Variants in DDX4 observed in about 807,000 individuals in gnomAD.
DDX4 encodes the protein DEAD-box helicase 4.
Under a neutral mutation model 100.0 loss-of-function variants are expected in DDX4, and 25 were observed. The observed-to-expected ratio is 0.25, with a 90% confidence interval of 0.18 to 0.35. The LOEUF (loss-of-function observed/expected upper bound fraction) is 0.35. DDX4 is among the 10% of genes least tolerant of loss of function. The pLI is 1.00. For missense variants in DDX4, 635 were observed against 882.4 expected, an observed-to-expected ratio of 0.72 and a Z score of 3.55; for synonymous variants, 259 against 275.7, an observed-to-expected ratio of 0.94 and a Z score of 0.60.
intron 3 of DDX4, 26 bp from the exon 4 acceptor site, chr5:55,760,173 CT>C: frequency 1.3e-6 from 2 of 1,560,968 alleles, no homozygotes; most frequent in Non-Finnish European, 1.7e-6. Flanking sequence ...TTTTATTTGA[CT>C]TACTTCAAAA....
intron 8 of DDX4, among the ~76,000 whole-genome samples, chr5:55,780,330 A>G (rs1243485231): frequency 6.6e-6 from 1 of 152,154 alleles, no homozygotes; most frequent in Non-Finnish European, 1.5e-5. Context: ...ATTGTTTTAG[A>G]GCTTTGATAA....
At chr5:55,788,869 C>T (rs1007331620) in intron 15 of DDX4, among the ~76,000 whole-genome samples, 1 of 152,056 alleles carries the variant, frequency 6.6e-6, no homozygotes, top group African/African-American at 2.4e-5. Context: ...AGTTCAAGAC[C>T]AGCCTGGAAA....
chr5:55,755,261 C>T (rs1335176068), intron 3 of DDX4, among the ~76,000 whole-genome samples: 2 of 152,044 alleles, frequency 1.3e-5, no homozygotes, highest in Non-Finnish European at 2.9e-5. Flanking sequence ...GGAATGCTCC[C>T]AAATTTTTAT....
intron 3 of DDX4, among the ~76,000 whole-genome samples, chr5:55,758,707 T>C (rs1760092311): frequency 6.6e-6 from 1 of 151,952 alleles, no homozygotes; most frequent in African/African-American, 2.4e-5. Flanking sequence ...GAGATTCTTT[T>C]TAAACACATT....
At chr5:55,741,832 T>A (rs1348485555) in intron 2 of DDX4, among the ~76,000 whole-genome samples, 2 of 152,122 alleles carry the variant, frequency 1.3e-5, no homozygotes, top group African/African-American at 4.8e-5. Flanking sequence ...TACATTACAT[T>A]TTTATGTAGA....
In DDX4 at chr5:55,758,868, TAAAAAAA is replaced by T. The variant is rs35392036; in HGVS notation, c.128-1308_128-1302del. Among the ~76,000 whole-genome samples, 116 of 70,314 alleles carry T rather than the reference TAAAAAAA, an allele frequency of 1.6e-3. 3 individuals are homozygous for T. The highest frequency in any genetic ancestry group is 0.014 in the Admixed American group (105 of 7,370). 46.1% of individuals were successfully genotyped at this position (70,314 alleles called of 152,430 possible). On this transcript the variant is annotated intron_variant, in intron 3 of 21. Coordinates refer to ENST00000505374, the MANE Select transcript of DDX4 (RefSeq NM_024415.3). ...AGCTGCTGTATTACGTTTGTTTCCT[TAAAAAAA>T]AAAAAAAAAAAAAAAAAAAAAAAGA...
intron 3 of DDX4, among the ~76,000 whole-genome samples, chr5:55,750,744 G>A (rs939282534): frequency 3.3e-5 from 5 of 151,962 alleles, no homozygotes; most frequent in African/African-American, 1.2e-4. Context: ...TTAAACGTGT[G>A]TTTTCTGAGC....
At position 55,798,514 on chromosome 5, in the gene DDX4, C is replaced by G. The variant is rs1436510659; in HGVS notation, c.1558C>G (p.Leu520Val). 1 of 1,611,824 alleles carries G rather than the reference C, an allele frequency of 6.2e-7. No individual in the cohort carries two copies. Among genetic ancestry groups the G allele is most frequent in the Non-Finnish European group, 8.5e-7 (1 of 1,178,716 alleles). The change falls in exon 18 of 22, where the codon CTC becomes GTC. Residue 520 changes from leucine (L) to valine (V), a missense_variant. Transcript: ENST00000505374. Reference protein sequence around the residue: ...GACRDVQQTVLQVGQFSKREK... With the variant: ...GACRDVQQTVVQVGQFSKREK... ...ATGTAGAGATGTTCAGCAGACCGTT[C>G]TCCAAGTTGGCCAGTTCTCAAAAAG...
At chr5:55,769,802 T>A (rs997996665) in intron 7 of DDX4, among the ~76,000 whole-genome samples, 1 of 151,954 alleles carries the variant, frequency 6.6e-6, no homozygotes, top group African/African-American at 2.4e-5. Flanking sequence ...AGCGTGGTAC[T>A]GGTCCAAAAC....
intron 3 of DDX4, among the ~76,000 whole-genome samples, chr5:55,751,530 C>T (rs990898258): frequency 2.0e-5 from 3 of 152,240 alleles, no homozygotes; most frequent in African/African-American, 4.8e-5. Flanking sequence ...CCACCATGCC[C>T]AGCATCATTG....
Position 55,760,224 on chromosome 5 carries a change from G to C in DDX4, c.152G>C (p.Arg51Thr). Residue 51 changes from arginine to threonine, a missense_variant, in exon 4 of 22, where the codon AGA becomes ACA. Arg to Thr is a moderately conservative substitution (Grantham distance 71). Around this residue, in one of 4 missense-constraint regions of DDX4, gnomAD observed 446 missense variants for 540.8 expected, o/e 0.82. Coordinates refer to ENST00000505374, the MANE Select transcript of DDX4 (RefSeq NM_024415.3). ...GAAATGGATGATGGACCTTCTCGAA[G>C]AGATCATTTCATGAAAAGTGGATTT... ...SSEMDDGPSR[R>T]DHFMKSGFAS... The C allele has an allele frequency of 6.4e-7, 1 of 1,566,610 alleles. No individual in the cohort carries two copies. The highest frequency in any genetic ancestry group is 8.6e-7 in the Non-Finnish European group (1 of 1,162,834).
chr5:55,751,245 G>GT (rs1467961405), intron 3 of DDX4, among the ~76,000 whole-genome samples: 3 of 151,986 alleles, frequency 2.0e-5, no homozygotes, highest in Non-Finnish European at 2.9e-5. Context: ...TTTTGTTGTT[G>GT]TTTTTTGAGA....
At chr5:55,781,246 C>T in intron 9 of DDX4, 100 bp downstream of exon 9, 1 of 903,848 alleles carries the variant, frequency 1.1e-6, no homozygotes, top group Non-Finnish European at 1.6e-6. Context: ...ACTAGTTTGG[C>T]TTATGATTTT....
intron 21 of DDX4, among the ~76,000 whole-genome samples, chr5:55,816,213 C>T (rs1024971187): frequency 1.3e-5 from 2 of 152,018 alleles, no homozygotes; most frequent in African/African-American, 2.4e-5. Flanking sequence ...TAAGTTTTCC[C>T]CACTTGTCAA....
At chr5:55,738,555 T>C (rs1293864513) in intron 1 of DDX4, among the ~76,000 whole-genome samples, 1 of 152,012 alleles carries the variant, frequency 6.6e-6, no homozygotes, top group African/African-American at 2.4e-5. Context: ...CTATCCACCT[T>C]GGATGTTAAT....
intron 6 of DDX4, 107 bp downstream of exon 6, chr5:55,764,171 A>G (rs1740745386): frequency 1.2e-6 from 1 of 819,170 alleles, no homozygotes; most frequent in South Asian, 1.5e-5. Context: ...ACTTATTTAA[A>G]CCAGATTTTA....
chr5:55,786,458 T>C (rs1457451104), intron 13 of DDX4, 60 bp from the exon 14 acceptor site: 2 of 1,339,350 alleles, frequency 1.5e-6, no homozygotes, highest in Non-Finnish European at 2.1e-6. Context: ...TGAAATATGC[T>C]TATAAATGAT....
chr5:55,748,092 AAAGTT>A (rs1759339894), intron 3 of DDX4, among the ~76,000 whole-genome samples: 2 of 152,190 alleles, frequency 1.3e-5, no homozygotes, highest in African/African-American at 2.4e-5. Flanking sequence ...TATCTTGACA[AAAGTT>A]AAGTTTAAAA....
intron 3 of DDX4, among the ~76,000 whole-genome samples, chr5:55,755,887 T>G (rs1759898474): frequency 6.6e-6 from 1 of 152,150 alleles, no homozygotes; most frequent in Admixed American, 6.5e-5. Context: ...CTTGAAGCCT[T>G]CCTTTTTCTT....
Sources: gnomAD v4.1 joint callset for allele counts (sites outside exome capture counted in the v4.1 genomes callset) on GRCh38, gnomAD v4.1.1 for gene constraint, gnomAD v4.1.1 regional missense constraint, MANE v1.5 for transcripts, NCBI Gene and HGNC (gene_info 2026-07-23, HGNC 2026-07-21) for gene names.